The following GNA14 variants were observed in gnomAD, a reference collection of about 807,000 sequenced individuals.
GNA14 encodes the protein G protein subunit alpha 14.
A neutral mutation model predicts 42.0 loss-of-function variants in GNA14; 50 were observed. That is an observed-to-expected ratio of 1.19 (90% confidence interval 0.95 to 1.51). The LOEUF (loss-of-function observed/expected upper bound fraction) is 1.51. Among genes scored for constraint, GNA14 ranks in the 40% most tolerant of loss-of-function variants. GNA14 has a pLI of 0.00. For missense variants in GNA14, 473 were observed against 446.2 expected, an observed-to-expected ratio of 1.06 and a Z score of -0.54; for synonymous variants, 173 against 163.1, an observed-to-expected ratio of 1.06 and a Z score of -0.46.
chr9:77,480,636 C>T (rs1740779665), intron 2 of GNA14, among the ~76,000 whole-genome samples: 1 of 152,144 alleles, frequency 6.6e-6, no homozygotes, highest in South Asian at 2.1e-4. Context: ...CCAGCTCCTC[C>T]TTGTACATCT....
intron 4 of GNA14, among the ~76,000 whole-genome samples, chr9:77,429,836 C>T (rs1331196862): frequency 6.6e-6 from 1 of 152,116 alleles, no homozygotes; most frequent in Admixed American, 6.5e-5. Flanking sequence ...TTAGCTCAAA[C>T]GTTTTTTTAG....
At chr9:77,465,803 T>G (rs572705856) in intron 2 of GNA14, among the ~76,000 whole-genome samples, 1 of 152,222 alleles carries the variant, frequency 6.6e-6, no homozygotes, top group South Asian at 2.1e-4. Context: ...GACGGGGTCT[T>G]GCCGTGTTGC....
intron 6 of GNA14, among the ~76,000 whole-genome samples, chr9:77,425,112 C>G (rs1835433874): frequency 6.6e-6 from 1 of 152,080 alleles, no homozygotes; most frequent in African/African-American, 2.4e-5. Context: ...ATAAATCAAG[C>G]AGAGTCTCTA....
chr9:77,431,295 A>G (rs958181017), intron 4 of GNA14, 26 bp downstream of exon 4: 8 of 1,607,826 alleles, frequency 5.0e-6, no homozygotes, highest in East Asian at 4.5e-5. Context: ...CAGATTCTTC[A>G]TGGTACATCA....
intron 2 of GNA14, among the ~76,000 whole-genome samples, chr9:77,474,999 T>C (rs1184433633): frequency 7.0e-6 from 1 of 142,020 alleles, no homozygotes; most frequent in African/African-American, 3.0e-5. Flanking sequence ...TGGGAGGTCA[T>C]GGAAATAGGA....
chr9:77,595,852 A>T (rs570018886), intron 1 of GNA14, among the ~76,000 whole-genome samples: 1 of 152,182 alleles, frequency 6.6e-6, no homozygotes, highest in East Asian at 1.9e-4. Flanking sequence ...TTTTCAAAAA[A>T]CAAGCACCTC....
chr9:77,560,138 G>GT (rs1366232249), intron 1 of GNA14, among the ~76,000 whole-genome samples: 1 of 151,894 alleles, frequency 6.6e-6, no homozygotes, highest in South Asian at 2.1e-4. Context: ...TCACACTTTC[G>GT]TTTTTTAAAA....
chr9:77,428,164 C>T (rs1421103771), intron 5 of GNA14, among the ~76,000 whole-genome samples: 1 of 150,338 alleles, frequency 6.7e-6, no homozygotes, highest in Non-Finnish European at 1.5e-5. Context: ...CTGCAAGCTC[C>T]GCCTCCCGGG....
intron 1 of GNA14, among the ~76,000 whole-genome samples, chr9:77,599,350 C>T (rs558096435): frequency 6.6e-6 from 1 of 152,294 alleles, no homozygotes; most frequent in African/African-American, 2.4e-5. Context: ...AGCCACAGAA[C>T]GGAGAATTTT....
intron 1 of GNA14, among the ~76,000 whole-genome samples, chr9:77,564,691 G>A (rs1468592729): frequency 6.6e-6 from 1 of 151,882 alleles, no homozygotes; most frequent in African/African-American, 2.4e-5. Context: ...ATATTAGCTG[G>A]GCATGGTGGT....
At chr9:77,614,707 T>G (rs576708846) in intron 1 of GNA14, among the ~76,000 whole-genome samples, 1 of 152,250 alleles carries the variant, frequency 6.6e-6, no homozygotes, top group East Asian at 1.9e-4. Context: ...CCATGCAGTC[T>G]CATGGCTGTT....
At chr9:77,517,218 G>T (rs1003324732) in intron 2 of GNA14, among the ~76,000 whole-genome samples, 3 of 152,204 alleles carry the variant, frequency 2.0e-5, no homozygotes, top group African/African-American at 2.4e-5. Flanking sequence ...GCCCATAGAT[G>T]CTTGTTCTTA....
intron 1 of GNA14, among the ~76,000 whole-genome samples, chr9:77,629,263 G>A (rs1177340): frequency 2.6e-5 from 4 of 152,252 alleles, no homozygotes; most frequent in Non-Finnish European, 4.4e-5. Context: ...AAATAGGAAC[G>A]CTTTTACACT....
intron 2 of GNA14, among the ~76,000 whole-genome samples, chr9:77,468,178 G>C (rs1474076051): frequency 6.6e-6 from 1 of 152,140 alleles, no homozygotes; most frequent in Non-Finnish European, 1.5e-5. Flanking sequence ...CATGGACATG[G>C]GGGCAGGGGC....
intron 1 of GNA14, among the ~76,000 whole-genome samples, chr9:77,558,037 G>A (rs753420584): frequency 1.3e-5 from 2 of 152,086 alleles, no homozygotes; most frequent in African/African-American, 4.8e-5. Flanking sequence ...TCTGAAATCT[G>A]TCTCAGTCTC....
At chr9:77,633,034 A>G (rs1824123652) in intron 1 of GNA14, among the ~76,000 whole-genome samples, 1 of 152,186 alleles carries the variant, frequency 6.6e-6, no homozygotes, top group Non-Finnish European at 1.5e-5. Flanking sequence ...CCATTTAGCA[A>G]ATGTTATGAA....
intron 1 of GNA14, among the ~76,000 whole-genome samples, chr9:77,627,471 G>A (rs567851635): frequency 6.6e-5 from 10 of 152,258 alleles, no homozygotes; most frequent in African/African-American, 2.4e-4. Flanking sequence ...GGCACCTGAT[G>A]AACATCAATG....
At chr9:77,524,849 GT>G (rs1837410260) in intron 2 of GNA14, among the ~76,000 whole-genome samples, 1 of 152,150 alleles carries the variant, frequency 6.6e-6, no homozygotes, top group South Asian at 2.1e-4. Context: ...TAATAACCTT[GT>G]GTTTCTCGAG....
rs148549243 is a variant in GNA14, at chr9:77,568,080, T to C, written c.125-38827A>G. ...TGGTAAGCTCCCTGAGACAGAGTAGTCTTTCTTGTTTATCACTTTACCTGC... is the reference window on the plus strand; with the variant it reads ...TGGTAAGCTCCCTGAGACAGAGTAGCCTTTCTTGTTTATCACTTTACCTGC... On this transcript the variant is annotated intron_variant, in intron 1 of 6. Coordinates refer to ENST00000341700, the MANE Select transcript of GNA14 (RefSeq NM_004297.4). Among the ~76,000 whole-genome samples, 265 of 152,222 alleles carry C rather than the reference T, an allele frequency of 1.7e-3. 3 individuals are homozygous for C. The highest frequency in any genetic ancestry group is 0.011 in the South Asian group (53 of 4,824).
Sources: gnomAD v4.1 joint callset for allele counts (sites outside exome capture counted in the v4.1 genomes callset) on GRCh38, gnomAD v4.1.1 for gene constraint, MANE v1.5 for transcripts, NCBI Gene and HGNC (gene_info 2026-07-23, HGNC 2026-07-21) for gene names.